The following CLSTN2 variants were observed in gnomAD, a reference collection of about 807,000 sequenced individuals.
The protein encoded by CLSTN2 is calsyntenin-2.
CLSTN2 carries 48 observed loss-of-function variants against 101.2 expected under a neutral mutation model. The observed-to-expected ratio is 0.47, with a 90% CI of 0.38 to 0.60. The LOEUF is 0.60. Among genes scored for constraint, CLSTN2 ranks in the 20% least tolerant of loss-of-function variants. The pLI, the probability that CLSTN2 is intolerant of heterozygous loss-of-function variation, is 0.00. For synonymous variants in CLSTN2, 481 were observed against 463.6 expected (o/e 1.04, Z -0.48); for missense variants, 1,160 against 1,238.2 (o/e 0.94, Z 0.95).
intron 16 of CLSTN2, among the ~76,000 whole-genome samples, chr3:140,564,484 G>T (rs1376129041): frequency 2.6e-5 from 4 of 152,194 alleles, no homozygotes; most frequent in Non-Finnish European, 5.9e-5. Flanking sequence ...AACACTTAGG[G>T]ACTCAGTATT....
chr3:139,954,864 G>A (rs983110476), intron 1 of CLSTN2, among the ~76,000 whole-genome samples: 6 of 151,718 alleles, frequency 4.0e-5, no homozygotes, highest in South Asian at 2.1e-4. Context: ...CAAATTCTGC[G>A]TTTCTCTAAG....
intron 2 of CLSTN2, among the ~76,000 whole-genome samples, chr3:140,378,992 T>G (rs547440369): frequency 9.8e-5 from 15 of 152,352 alleles, no homozygotes; most frequent in Middle Eastern, 3.4e-3. Flanking sequence ...TGAAATGAGC[T>G]TGAGATCTGA....
chr3:140,512,046 C>T (rs1355164954), intron 8 of CLSTN2, among the ~76,000 whole-genome samples: 2 of 151,748 alleles, frequency 1.3e-5, no homozygotes, highest in East Asian at 1.9e-4. Context: ...ACACCTTTGT[C>T]AGATGGCTAG....
At chr3:140,494,411 CA>C (rs1024953095) in intron 8 of CLSTN2, among the ~76,000 whole-genome samples, 6 of 152,202 alleles carry the variant, frequency 3.9e-5, no homozygotes, top group African/African-American at 1.4e-4. Context: ...TGATCAAGTT[CA>C]GCTGATTGCT....
intron 1 of CLSTN2, among the ~76,000 whole-genome samples, chr3:140,119,432 A>T (rs2009302323): frequency 6.6e-6 from 1 of 152,244 alleles, no homozygotes; most frequent in Admixed American, 6.5e-5. Flanking sequence ...CATGCAGCAC[A>T]TAGTACATGT....
At chr3:140,183,264 A>C (rs577009703) in intron 2 of CLSTN2, among the ~76,000 whole-genome samples, 1 of 152,314 alleles carries the variant, frequency 6.6e-6, no homozygotes, top group Non-Finnish European at 1.5e-5. Flanking sequence ...TTAAGGTTGA[A>C]AGGGGACACC....
chr3:139,984,322 A>G (rs565295616), intron 1 of CLSTN2, among the ~76,000 whole-genome samples: 99 of 152,314 alleles, frequency 6.5e-4, no homozygotes, highest in Non-Finnish European at 1.3e-3. Flanking sequence ...GAATGTTATC[A>G]AAGATGCTGC....
intron 1 of CLSTN2, among the ~76,000 whole-genome samples, chr3:140,163,374 C>A (rs1050111189): frequency 6.6e-6 from 1 of 151,360 alleles, no homozygotes; most frequent in Non-Finnish European, 1.5e-5. Flanking sequence ...AATTTGCTAA[C>A]CCCCCACAAA....
chr3:140,404,642 G>A lies in CLSTN2; in HGVS notation c.513G>A (p.Glu171=), dbSNP rs2088282531. 6.2e-7 allele frequency: 1 copy of A among 1,614,194 alleles called. No individual in the cohort carries two copies. Among genetic ancestry groups the A allele is most frequent in the Non-Finnish European group, 8.5e-7 (1 of 1,180,032 alleles). The change falls in exon 4 of 17, where the codon GAG becomes GAA. Residue 171 remains glutamate (E), a synonymous_variant. Transcript: ENST00000458420. ...CAGCCTACAAGGCTGTTGTGACGGA[G>A]GGCAAGATCTATGACAGCATTCTGC... is the stretch of plus-strand genomic sequence containing the variant. ...KEPAYKAVVT[E]GKIYDSILQV...
intron 2 of CLSTN2, among the ~76,000 whole-genome samples, chr3:140,263,342 A>T (rs1422033308): frequency 6.6e-6 from 1 of 152,156 alleles, no homozygotes; most frequent in African/African-American, 2.4e-5. Flanking sequence ...CTTGGGCTGA[A>T]GTAATCAGGG....
chr3:140,156,297 A>T (rs867799259), intron 1 of CLSTN2, among the ~76,000 whole-genome samples: 2 of 152,202 alleles, frequency 1.3e-5, no homozygotes, highest in African/African-American at 4.8e-5. Flanking sequence ...CGATGTTTCA[A>T]TTACAATTTA....
chr3:140,150,179 G>T (rs2009840405), intron 1 of CLSTN2, among the ~76,000 whole-genome samples: 1 of 152,186 alleles, frequency 6.6e-6, no homozygotes, highest in Non-Finnish European at 1.5e-5. Flanking sequence ...GGCACTTGTG[G>T]TCTATTGTGT....
chr3:140,092,594 C>G (rs759260618), intron 1 of CLSTN2, among the ~76,000 whole-genome samples: 1 of 152,134 alleles, frequency 6.6e-6, no homozygotes, highest in Non-Finnish European at 1.5e-5. Flanking sequence ...CGGGGTGTGC[C>G]GGGCTGGTGC....
intron 1 of CLSTN2, among the ~76,000 whole-genome samples, chr3:140,114,847 C>G (rs2009214999): frequency 6.6e-6 from 1 of 152,134 alleles, no homozygotes; most frequent in Non-Finnish European, 1.5e-5. Context: ...TCTGCCCCCT[C>G]CCCCCATTTC....
rs143088654 is a variant in CLSTN2 at position 140,027,760 on chromosome 3, G to A, written c.109+92277G>A. ...AGCCGCCACAGCTGATGCTTCTACTGACAAATCCCTGGGCTATAAAAATTT... is the reference window on the plus strand; with the variant it reads ...AGCCGCCACAGCTGATGCTTCTACTAACAAATCCCTGGGCTATAAAAATTT... On this transcript the variant is annotated intron_variant, in intron 1 of 16. Transcript: ENST00000458420. Among the ~76,000 whole-genome samples the A allele has an allele frequency of 2.2e-4, 33 of 152,256 alleles. No individual in the cohort carries two copies. In the East Asian group the frequency reaches 6.4e-3, roughly 29 times the overall value.
chr3:140,558,921 T>C (rs533473887), intron 12 of CLSTN2, 64 bp downstream of exon 12: 5 of 1,307,872 alleles, frequency 3.8e-6, no homozygotes, highest in Admixed American at 3.7e-5. Context: ...TGTGAAAACA[T>C]ACTTCAGAAC....
chr3:140,327,546 G>A (rs1168747675), intron 2 of CLSTN2, among the ~76,000 whole-genome samples: 1 of 152,144 alleles, frequency 6.6e-6, no homozygotes, highest in Admixed American at 6.5e-5. Context: ...AAAGGGAATT[G>A]GGGAAAACCT....
chr3:140,100,729 A>G (rs569012521), intron 1 of CLSTN2, among the ~76,000 whole-genome samples: 1 of 152,344 alleles, frequency 6.6e-6, no homozygotes, highest in African/African-American at 2.4e-5. Flanking sequence ...TGTACAGCAG[A>G]GGTGGGCTGT....
intron 1 of CLSTN2, among the ~76,000 whole-genome samples, chr3:139,943,229 C>T (rs1935163190): frequency 6.6e-6 from 1 of 152,200 alleles, no homozygotes; most frequent in Non-Finnish European, 1.5e-5. Context: ...CCCATCCTTC[C>T]TCATGTCTGG....
Sources: gnomAD v4.1 joint callset for allele counts (sites outside exome capture counted in the v4.1 genomes callset) on GRCh38, gnomAD v4.1.1 for gene constraint, MANE v1.5 for transcripts, NCBI Gene and HGNC (gene_info 2026-07-23, HGNC 2026-07-21) for gene names.